The following RASSF3 variants were observed in gnomAD, a reference collection of about 807,000 sequenced individuals.
RASSF3 encodes ras association domain-containing protein 3.
In RASSF3, 19 loss-of-function variants were observed where a neutral mutation model predicts 19.9. The observed-to-expected ratio is 0.96, with a 90% CI of 0.67 to 1.40. The LOEUF (loss-of-function observed/expected upper bound fraction) is 1.40. RASSF3 is among the 40% of genes most tolerant of loss of function. The pLI is 0.00. For synonymous variants in RASSF3, 110 were observed against 104.2 expected, an observed-to-expected ratio of 1.06 and a Z score of -0.34; for missense variants, 306 against 289.8, an observed-to-expected ratio of 1.06 and a Z score of -0.41.
chr12:64,535,761 C>A (rs778538563), intron 1 of RASSF3, among the ~76,000 whole-genome samples: 16 of 150,576 alleles, frequency 1.1e-4, no homozygotes, highest in Non-Finnish European at 2.2e-4. Context: ...GATCTTGGGT[C>A]ACTGCAACCT....
chr12:64,573,142 C>A (rs1869546432), intron 2 of RASSF3, among the ~76,000 whole-genome samples: 4 of 151,868 alleles, frequency 2.6e-5, no homozygotes, highest in African/African-American at 9.7e-5. Flanking sequence ...CACTTGAGAC[C>A]AGTTTGAGCA....
At chr12:64,556,382 T>C (rs781564567) in intron 2 of RASSF3, among the ~76,000 whole-genome samples, 4 of 152,052 alleles carry the variant, frequency 2.6e-5, no homozygotes, top group Non-Finnish European at 4.4e-5. Flanking sequence ...GGTCTCGAAT[T>C]CCTGGGCTCA....
chr12:64,527,057 A>G (rs1176773582), intron 1 of RASSF3, among the ~76,000 whole-genome samples: 1 of 152,246 alleles, frequency 6.6e-6, no homozygotes, highest in Non-Finnish European at 1.5e-5. Flanking sequence ...TAAGTTGATT[A>G]TCTTGGCTAC....
At position 64,624,492 on chromosome 12, in the gene RASSF3, C is replaced by T. The variant is rs568132257; in HGVS notation, c.111+13749C>T. ...GTCTCACTATGTTGCTCAGTTTGGT[C>T]TTGAACTCCTGGGCTCAAGTGATCC... On this transcript the variant is annotated intron_variant, in intron 1 of 4. Transcript: ENST00000542104. Among the ~76,000 whole-genome samples, 23 of 151,848 alleles carry T rather than the reference C, an allele frequency of 1.5e-4. No homozygotes were observed. The South Asian group carries it at 4.8e-3, about 32-fold the overall frequency.
intron 1 of RASSF3, among the ~76,000 whole-genome samples, chr12:64,641,640 T>C (rs1466317994): frequency 2.0e-4 from 30 of 149,892 alleles, no homozygotes; most frequent in African/African-American, 6.1e-4. Flanking sequence ...TCTCTCTCTT[T>C]TTTTTTTTTT....
At chr12:64,636,093 G>A (rs534155810) in intron 1 of RASSF3, among the ~76,000 whole-genome samples, 117 of 151,158 alleles carry the variant, frequency 7.7e-4, no homozygotes, top group African/African-American at 2.6e-3. Flanking sequence ...GAAGTTGGGG[G>A]TTTCTGTGGG....
At chr12:64,648,044 G>T (rs959020275) in intron 1 of RASSF3, among the ~76,000 whole-genome samples, 1 of 152,228 alleles carries the variant, frequency 6.6e-6, no homozygotes, top group African/African-American at 2.4e-5. Flanking sequence ...TTGTGTAGCA[G>T]AAGATGTTTG....
At position 64,688,357 on chromosome 12, in the gene RASSF3, G is replaced by C; in HGVS notation, c.361G>C (p.Val121Leu). ...ACTTCATATCAGCAGCACAAACACTGTCGGGGAAGTGATCGAGGCCCTGCT... is the reference window on the plus strand; with the variant it reads ...ACTTCATATCAGCAGCACAAACACTCTCGGGGAAGTGATCGAGGCCCTGCT... ...NTLHISSTNT[V>L]GEVIEALLKK... The change falls in exon 3 of 5, where the codon GTC (valine) becomes CTC (leucine). Residue 121 changes from valine (V) to leucine (L), a missense_variant. Physicochemically the swap from Val to Leu is conservative, Grantham distance 32 (BLOSUM62 1). Coordinates refer to ENST00000542104, the MANE Select transcript of RASSF3 (RefSeq NM_178169.4). The C allele has an allele frequency of 6.2e-7, 1 of 1,614,194 alleles. No individual in the cohort carries two copies. Among genetic ancestry groups the C allele is most frequent in the Non-Finnish European group, 8.5e-7 (1 of 1,180,034 alleles).
chr12:64,672,504 G>A (rs1872732799), intron 1 of RASSF3, among the ~76,000 whole-genome samples: 1 of 152,120 alleles, frequency 6.6e-6, no homozygotes, highest in African/African-American at 2.4e-5. Flanking sequence ...GGGATTACAG[G>A]TGTGAGCTAT....
intron 1 of RASSF3, among the ~76,000 whole-genome samples, chr12:64,644,699 A>AAAAC (rs67152006): frequency 3.7e-4 from 55 of 150,336 alleles, no homozygotes; most frequent in African/African-American, 5.4e-4. Flanking sequence ...TCTCCAACCA[A>AAAAC]AAACAAACAA....
chr12:64,686,441 T>A (rs996493221), intron 2 of RASSF3, among the ~76,000 whole-genome samples: 1 of 152,126 alleles, frequency 6.6e-6, no homozygotes, highest in Non-Finnish European at 1.5e-5. Flanking sequence ...TGAAACCCTG[T>A]CTCTACTAAA....
chr12:64,617,804 G>T (rs144942065), intron 1 of RASSF3, among the ~76,000 whole-genome samples: 2,095 of 152,116 alleles, frequency 0.014, 48 homozygotes, highest in African/African-American at 0.048. Flanking sequence ...TGATCTGCCC[G>T]CCTCGGCCTC....
intron 1 of RASSF3, among the ~76,000 whole-genome samples, chr12:64,660,016 G>A (rs11504181): frequency 5.2e-5 from 6 of 116,356 alleles, no homozygotes; most frequent in East Asian, 2.3e-4. Flanking sequence ...GTATATATAT[G>A]TGTGTGTGTG....
chr12:64,589,063 G>A (rs374580229), intron 2 of RASSF3, among the ~76,000 whole-genome samples: 32 of 152,268 alleles, frequency 2.1e-4, no homozygotes, highest in African/African-American at 5.3e-4. Flanking sequence ...ATAAAACAAA[G>A]TATTCAAATA....
At chr12:64,581,277 A>G (rs1323207776) in intron 2 of RASSF3, among the ~76,000 whole-genome samples, 1 of 152,186 alleles carries the variant, frequency 6.6e-6, no homozygotes, top group Non-Finnish European at 1.5e-5. Flanking sequence ...GACAATTCTG[A>G]CTGTTGGCAG....
At chr12:64,582,654 GAA>G (rs1404560668) in intron 2 of RASSF3, among the ~76,000 whole-genome samples, 1 of 152,136 alleles carries the variant, frequency 6.6e-6, no homozygotes, top group Admixed American at 6.6e-5. Context: ...TGTGGAGTTA[GAA>G]AAAGATTCAT....
Position 64,618,487 on chromosome 12 carries a change from C to T in RASSF3, c.111+7744C>T, listed in dbSNP as rs534691346. ...GATTACAGGGGCATGCCACCATCCCCGGCTAATTTTTGTATTTTTAAAGTA... is the reference window on the plus strand; with the variant it reads ...GATTACAGGGGCATGCCACCATCCCTGGCTAATTTTTGTATTTTTAAAGTA... On this transcript the variant is annotated intron_variant, in intron 1 of 4. Coordinates refer to ENST00000542104, the MANE Select transcript of RASSF3 (RefSeq NM_178169.4). 6.6e-5 allele frequency among the ~76,000 whole-genome samples: 10 copies of T among 152,116 alleles called. 1 individual carries two copies. Among genetic ancestry groups the T allele is most frequent in the African/African-American group, 1.4e-4 (6 of 41,502 alleles).
intron 2 of RASSF3, among the ~76,000 whole-genome samples, chr12:64,558,406 T>C (rs1317887619): frequency 6.6e-6 from 1 of 152,128 alleles, no homozygotes. Flanking sequence ...GACACAAAAA[T>C]TTTCATACTC....
At chr12:64,568,370 A>G (rs1421526569) in intron 2 of RASSF3, among the ~76,000 whole-genome samples, 1 of 152,114 alleles carries the variant, frequency 6.6e-6, no homozygotes, top group Non-Finnish European at 1.5e-5. Flanking sequence ...AGTGTGTGGT[A>G]AAACATATAT....
Sources: gnomAD v4.1 joint callset for allele counts (sites outside exome capture counted in the v4.1 genomes callset) on GRCh38, gnomAD v4.1.1 for gene constraint, MANE v1.5 for transcripts, NCBI Gene and HGNC (gene_info 2026-07-23, HGNC 2026-07-21) for gene names.